SNU13: variants seen among roughly 807,000 people sequenced by gnomAD.
SNU13 encodes the protein small nuclear ribonucleoprotein 13.
SNU13 carries 2 observed loss-of-function variants against 12.4 expected under a neutral mutation model. That is an observed-to-expected ratio of 0.16 (90% CI 0.07 to 0.51). The LOEUF (loss-of-function observed/expected upper bound fraction) is 0.51, where lower values mean the gene tolerates loss of function less well. Ranked by LOEUF, SNU13 falls within the 20% of genes least tolerant of loss-of-function variation. The pLI is 0.96. For synonymous variants in SNU13, 68 were observed against 66.5 expected, an observed-to-expected ratio of 1.02 and a Z score of -0.11; for missense variants, 66 against 157.8, an observed-to-expected ratio of 0.42 and a Z score of 3.12.
intron 1 of SNU13, among the ~76,000 whole-genome samples, chr22:41,680,962 G>A (rs938095166): frequency 6.6e-6 from 1 of 152,148 alleles, no homozygotes; most frequent in Non-Finnish European, 1.5e-5. Flanking sequence ...CGGCCGAGGC[G>A]GGTGGATCAC....
chr22:41,688,893 A>G, upstream of SNU13: 18 of 1,488,284 alleles, frequency 1.2e-5, no homozygotes, highest in Non-Finnish European at 1.5e-5. Flanking sequence ...GCAGCAGCGG[A>G]AATGGCCCCG....
chr22:41,675,233 G>A lies in SNU13; in HGVS notation c.125-38C>T, dbSNP rs757527522. The stretch of plus-strand genomic sequence containing the variant: ...GGACGTGAAGCTAATAGGTGATGTG[G>A]GCTTGGGCAGGGCAGCCACAACAAA... On this transcript the variant is annotated intron_variant, in intron 2 of 2. Coordinates refer to ENST00000401959, the MANE Select transcript of SNU13 (RefSeq NM_001003796.2). 1.4e-5 allele frequency: 23 copies of A among 1,599,766 alleles called. No individual in the cohort carries two copies. In the Middle Eastern group the frequency reaches 5.0e-4, roughly 34 times the overall value.
chr22:41,683,762 T>C (rs1048378698), intron 1 of SNU13, among the ~76,000 whole-genome samples: 2 of 152,200 alleles, frequency 1.3e-5, no homozygotes, highest in Non-Finnish European at 2.9e-5. Flanking sequence ...CAGCAATGCA[T>C]GACAGTGACT....
upstream of SNU13, chr22:41,688,960 G>A: frequency 7.3e-7 from 1 of 1,360,604 alleles, no homozygotes; most frequent in East Asian, 2.6e-5. Flanking sequence ...CCTCTACGGG[G>A]GCACTGGCGC....
At chr22:41,675,740 CTTTCTTTTTTTTTTTTT>C (rs2068206506) in intron 2 of SNU13, among the ~76,000 whole-genome samples, 1 of 144,534 alleles carries the variant, frequency 6.9e-6, no homozygotes, top group Admixed American at 6.9e-5. Context: ...CAACTTTTTT[CTTTCTTTTTTTTTTTTT>C]TTTCTTTTTT....
chr22:41,679,503 C>A (rs1344531886), intron 2 of SNU13, among the ~76,000 whole-genome samples: 1 of 151,994 alleles, frequency 6.6e-6, no homozygotes, highest in African/African-American at 2.4e-5. Flanking sequence ...TTGCAGTAAG[C>A]TGAGATCCTG....
At chr22:41,678,887 C>A (rs943517536) in intron 2 of SNU13, among the ~76,000 whole-genome samples, 7 of 152,216 alleles carry the variant, frequency 4.6e-5, no homozygotes, top group Non-Finnish European at 1.0e-4. Context: ...TTGACAAAAT[C>A]TCTGATGTTT....
chr22:41,674,893 G>C lies in SNU13; in HGVS notation c.*40C>G, dbSNP rs752590025. 1.9e-5 allele frequency: 30 copies of C among 1,601,424 alleles called. No individual in the cohort carries two copies. Among genetic ancestry groups the C allele is most frequent in the East Asian group, 1.8e-4 (8 of 44,606 alleles). On this transcript the variant is annotated 3_prime_UTR_variant, in exon 3 of 3. Transcript: ENST00000401959. ...CAGATAATATGATACACAACCTCAG[G>C]GGGGAAGCTGGCAGGGAGCACGTGG...
upstream of SNU13, chr22:41,689,193 C>T (rs552309109): frequency 1.3e-3 from 923 of 712,440 alleles, 19 homozygotes; most frequent in South Asian, 0.05. Context: ...GAAACCTCGT[C>T]CCTACTAAAA....
At chr22:41,688,887 C>T, upstream of SNU13, 1 of 1,496,548 alleles carries the variant, frequency 6.7e-7, no homozygotes, top group Non-Finnish European at 9.0e-7. Context: ...ACAGAAGCAG[C>T]AGCGGAAATG....
At chr22:41,682,518 C>G (rs1216437533) in intron 1 of SNU13, 12 of 1,530,840 alleles carry the variant, frequency 7.8e-6, no homozygotes, top group African/African-American at 2.7e-5. Flanking sequence ...AGGGCCAGCC[C>G]GTACACCAGG....
chr22:41,678,011 T>C (rs1289468518), intron 2 of SNU13, among the ~76,000 whole-genome samples: 1 of 151,666 alleles, frequency 6.6e-6, no homozygotes, highest in Non-Finnish European at 1.5e-5. Context: ...AGTCTCACTC[T>C]GTCGCCCAGG....
chr22:41,676,217 C>G (rs369214900), intron 2 of SNU13, among the ~76,000 whole-genome samples: 19 of 152,276 alleles, frequency 1.2e-4, no homozygotes, highest in African/African-American at 4.6e-4. Flanking sequence ...ATCAATACTT[C>G]TAGAAAGCTG....
At chr22:41,688,432 GAA>G (rs951912814) in intron 1 of SNU13, 2 of 237,686 alleles carry the variant, frequency 8.4e-6, no homozygotes, top group Non-Finnish European at 1.6e-5. Context: ...AAGAAACAAG[GAA>G]AAAAAAAAGT....
At chr22:41,686,904 C>T (rs1487859441) in intron 1 of SNU13, among the ~76,000 whole-genome samples, 1 of 151,532 alleles carries the variant, frequency 6.6e-6, no homozygotes, top group African/African-American at 2.4e-5. Flanking sequence ...GGATTACAGG[C>T]GTGAGCCACC....
upstream of SNU13, among the ~76,000 whole-genome samples, chr22:41,689,979 CAA>C (rs770945331): frequency 1.5e-4 from 15 of 97,836 alleles, no homozygotes; most frequent in African/African-American, 1.1e-4. Context: ...AACTCGGTCT[CAA>C]AAAAAAAAAA....
intron 2 of SNU13, among the ~76,000 whole-genome samples, chr22:41,678,517 C>T (rs563638548): frequency 4.7e-4 from 71 of 152,254 alleles, no homozygotes; most frequent in Admixed American, 2.0e-3. Flanking sequence ...TGAATTAAGT[C>T]GCTGAGACTG....
chr22:41,675,140 G>A lies in SNU13; in HGVS notation c.180C>T (p.Ala60=), dbSNP rs769018320. ...ISEFIVMAAD[A]EPLEIILHLP... ...GGTGCAGAATGATCTCCAGTGGCTC[G>A]GCGTCTGCAGCCATCACGATGAACT... The change falls in exon 3 of 3, where the codon GCC becomes GCT. Residue 60 remains alanine (A), a synonymous_variant. Coordinates refer to ENST00000401959, the MANE Select transcript of SNU13 (RefSeq NM_001003796.2). The A allele has an allele frequency of 3.7e-5, 60 of 1,613,932 alleles. No homozygotes were observed. Among genetic ancestry groups the A allele is most frequent in the Non-Finnish European group, 4.6e-5 (54 of 1,180,032 alleles).
At chr22:41,685,030 C>T (rs939250180) in intron 1 of SNU13, among the ~76,000 whole-genome samples, 7 of 151,788 alleles carry the variant, frequency 4.6e-5, no homozygotes, top group African/African-American at 1.7e-4. Flanking sequence ...GTGGCAGGCA[C>T]CTGTAATCCC....
Sources: gnomAD v4.1 joint callset for allele counts (sites outside exome capture counted in the v4.1 genomes callset) on GRCh38, gnomAD v4.1.1 for gene constraint, MANE v1.5 for transcripts, NCBI Gene and HGNC (gene_info 2026-07-23, HGNC 2026-07-21) for gene names.